The following CA13 variants were observed in gnomAD, a reference collection of about 807,000 sequenced individuals.
CA13 encodes CA-XIII.
A neutral mutation model predicts 31.5 loss-of-function variants in CA13; 21 were observed. The ratio of observed to expected loss-of-function variants is 0.67; its 90% CI spans 0.47 to 0.96. The LOEUF (loss-of-function observed/expected upper bound fraction) is 0.96. CA13 is among the 40% of genes least tolerant of loss of function. The probability of loss-of-function intolerance (pLI) is 0.00; values close to 1 mark genes in which losing one functional copy is unlikely to be tolerated. For synonymous variants in CA13, 117 were observed against 111.4 expected (o/e 1.05, Z -0.32); for missense variants, 315 against 318.9 (o/e 0.99, Z 0.09).
intron 3 of CA13, among the ~76,000 whole-genome samples, chr8:85,260,163 T>G (rs567334677): frequency 6.6e-6 from 1 of 152,294 alleles, no homozygotes; most frequent in East Asian, 1.9e-4. Context: ...TTCTACTCCT[T>G]TTTCCTTATA....
chr8:85,269,259 C>G (rs1423294173), intron 6 of CA13, among the ~76,000 whole-genome samples: 1 of 152,066 alleles, frequency 6.6e-6, no homozygotes, highest in African/African-American at 2.4e-5. Context: ...GGAGACCAGC[C>G]TGGGCAACAC....
intron 3 of CA13, among the ~76,000 whole-genome samples, chr8:85,264,564 G>A (rs1807430526): frequency 6.6e-6 from 1 of 152,132 alleles, no homozygotes; most frequent in Non-Finnish European, 1.5e-5. Context: ...TCTTGGCCTA[G>A]TTTCCCATCA....
chr8:85,263,975 GA>G (rs1807421915), intron 3 of CA13, among the ~76,000 whole-genome samples: 1 of 152,134 alleles, frequency 6.6e-6, no homozygotes, highest in Admixed American at 6.6e-5. Context: ...GAGTAAAAAG[GA>G]GAAGTGAAAG....
At chr8:85,276,420 C>T (rs540275239) in intron 6 of CA13, among the ~76,000 whole-genome samples, 10 of 152,234 alleles carry the variant, frequency 6.6e-5, no homozygotes, top group Non-Finnish European at 8.8e-5. Flanking sequence ...GGGCGCATGG[C>T]GCTGGGACTG....
intron 3 of CA13, among the ~76,000 whole-genome samples, chr8:85,262,431 CAT>C (rs1251212196): frequency 6.6e-6 from 1 of 152,032 alleles, no homozygotes; most frequent in Non-Finnish European, 1.5e-5. Flanking sequence ...TGCATAAAAT[CAT>C]GTGTGAGGAT....
intron 2 of CA13, among the ~76,000 whole-genome samples, chr8:85,258,060 C>T (rs1224310599): frequency 6.7e-6 from 1 of 149,782 alleles, no homozygotes; most frequent in African/African-American, 2.4e-5. Context: ...AAGATGGGGC[C>T]TTGCTATGTT....
chr8:85,281,579 C>G lies in CA13; in HGVS notation c.*230C>G, dbSNP rs1163451180. 2 of 1,034,536 alleles carry G rather than the reference C, an allele frequency of 1.9e-6. No individual in the cohort carries two copies. Among genetic ancestry groups the G allele is most frequent in the East Asian group, 4.7e-5 (1 of 21,130 alleles). 64.1% of individuals were successfully genotyped at this position (1,034,536 alleles called of 1,614,324 possible). A position where few individuals can be genotyped will look rare whatever the true frequency, so the allele number is the denominator to read the frequency against. ...CCAGGCTGGAGGGCAGTGGTACAGT[C>G]TTGGCTAATTGCAGCCTCCAACTCC... On this transcript the variant is annotated 3_prime_UTR_variant, in exon 7 of 7. Transcript: ENST00000321764.
In CA13 at chr8:85,282,579, A is replaced by G. The variant is rs1488502729; in HGVS notation, c.*1230A>G. 3 of 152,260 alleles carry G rather than the reference A, an allele frequency of 2.0e-5. No individual in the cohort carries two copies. Among genetic ancestry groups the G allele is most frequent in the African/African-American group, 7.2e-5 (3 of 41,474 alleles). 9.4% of individuals were successfully genotyped at this position (152,260 alleles called of 1,614,324 possible). A position where few individuals can be genotyped will look rare whatever the true frequency, so the allele number is the denominator to read the frequency against. Reference sequence around the variant, plus strand: ...TTGTGGAAAAAATTACTTCAGTCTCATATAAATATAGAATGGGTCCATAAA... The same window carrying G: ...TTGTGGAAAAAATTACTTCAGTCTCGTATAAATATAGAATGGGTCCATAAA... On this transcript the variant is annotated 3_prime_UTR_variant, in exon 7 of 7. Coordinates refer to ENST00000321764, the MANE Select transcript of CA13 (RefSeq NM_198584.3).
intron 6 of CA13, 88 bp from the exon 7 acceptor site, chr8:85,281,142 G>A (rs1587548756): frequency 4.7e-6 from 7 of 1,478,760 alleles, no homozygotes; most frequent in Middle Eastern, 1.8e-4. Flanking sequence ...TTTGTTCCTG[G>A]TTATAGATAT....
intron 6 of CA13, 50 bp downstream of exon 6, chr8:85,268,677 C>A: frequency 3.1e-6 from 3 of 974,600 alleles, no homozygotes; most frequent in Non-Finnish European, 4.2e-6. Context: ...GGAAACTGGG[C>A]TTTTTTTTTT....
rs1298253541 is a variant in CA13 at position 85,283,402 on chromosome 8, G to T, written c.*2053G>T. The T allele has an allele frequency of 6.6e-6, 1 of 152,086 alleles. No homozygotes were observed. Among genetic ancestry groups the T allele is most frequent in the Non-Finnish European group, 1.5e-5 (1 of 68,018 alleles). The allele number at this position is 152,086 out of a possible 1,614,324, so 9.4% of individuals were successfully genotyped here. A position where few individuals can be genotyped will look rare whatever the true frequency, so the allele number is the denominator to read the frequency against. ...TCTAGTTTAAGGCTTTTAGAAGATT[G>T]ATCTGTAGCAATTATTTAATGAATT... On this transcript the variant is annotated 3_prime_UTR_variant, in exon 7 of 7. Transcript: ENST00000321764.
At position 85,245,729 on chromosome 8, in the gene CA13, G is replaced by A; in HGVS notation, c.-100G>A. Reference sequence around the variant, plus strand: ...CTCGCACTCCTGCCGCCGGCGCCCCGCGGTCCCGCCCTAGCAGGCTCCTTC... The same window carrying A: ...CTCGCACTCCTGCCGCCGGCGCCCCACGGTCCCGCCCTAGCAGGCTCCTTC... On this transcript the variant is annotated 5_prime_UTR_variant, in exon 1 of 7. Coordinates refer to ENST00000321764, the MANE Select transcript of CA13 (RefSeq NM_198584.3). The A allele has an allele frequency of 7.1e-7, 1 of 1,407,882 alleles. No homozygotes were observed. Among genetic ancestry groups the A allele is most frequent in the Non-Finnish European group, 1.0e-6 (1 of 999,868 alleles). 87.2% of individuals were successfully genotyped at this position (1,407,882 alleles called of 1,614,324 possible). A position where few individuals can be genotyped will look rare whatever the true frequency, so the allele number is the denominator to read the frequency against.
intron 6 of CA13, among the ~76,000 whole-genome samples, chr8:85,271,929 C>A (rs1341988033): frequency 6.6e-6 from 1 of 152,008 alleles, no homozygotes; most frequent in African/African-American, 2.4e-5. Context: ...ATTAGCCACG[C>A]ATGGTGGTGC....
intron 6 of CA13, among the ~76,000 whole-genome samples, chr8:85,274,618 C>A (rs1807575068): frequency 6.6e-6 from 1 of 152,198 alleles, no homozygotes; most frequent in African/African-American, 2.4e-5. Context: ...AATAAGTAGT[C>A]TAGTGGTAGC....
At chr8:85,252,732 G>A (rs989871433) in intron 2 of CA13, among the ~76,000 whole-genome samples, 3 of 152,098 alleles carry the variant, frequency 2.0e-5, no homozygotes, top group African/African-American at 7.2e-5. Flanking sequence ...CTAAGATCAG[G>A]ATGATGCTGT....
intron 6 of CA13, among the ~76,000 whole-genome samples, chr8:85,277,461 C>T (rs976115064): frequency 2.6e-5 from 4 of 152,190 alleles, no homozygotes; most frequent in Admixed American, 6.5e-5. Flanking sequence ...GAACAAACTC[C>T]GGACATGCTG....
chr8:85,252,753 T>C (rs1264947918), intron 2 of CA13, among the ~76,000 whole-genome samples: 1 of 152,140 alleles, frequency 6.6e-6, no homozygotes, highest in African/African-American at 2.4e-5. Context: ...ATTTGCTCTA[T>C]TAATGAAAAA....
At chr8:85,277,119 C>A (rs1194006070) in intron 6 of CA13, among the ~76,000 whole-genome samples, 1 of 152,158 alleles carries the variant, frequency 6.6e-6, no homozygotes, top group Non-Finnish European at 1.5e-5. Flanking sequence ...AGAAGAAAAG[C>A]AGGCTGCGGG....
intron 2 of CA13, among the ~76,000 whole-genome samples, chr8:85,257,992 CTTATA>C (rs1421952704): frequency 6.8e-6 from 1 of 147,440 alleles, no homozygotes; most frequent in Non-Finnish European, 1.5e-5. Context: ...ATAAAATATA[CTTATA>C]TTAAATATAT....
Sources: allele counts gnomAD v4.1 joint callset (sites outside exome capture counted in the v4.1 genomes callset), GRCh38; gene constraint gnomAD v4.1.1; transcripts MANE v1.5; gene names NCBI Gene and HGNC (gene_info 2026-07-23, HGNC 2026-07-21).